The following ZNF536 variants were observed in gnomAD, a reference collection of about 807,000 sequenced individuals.
ZNF536 encodes the protein zinc finger protein 536.
A neutral mutation model predicts 84.5 loss-of-function variants in ZNF536; 13 were observed. The ratio of observed to expected loss-of-function variants is 0.15; its 90% CI spans 0.10 to 0.24. The LOEUF (loss-of-function observed/expected upper bound fraction) is 0.24, where lower values mean the gene tolerates loss of function less well. Ranked by LOEUF, ZNF536 falls within the 10% of genes least tolerant of loss-of-function variation. ZNF536 has a pLI of 1.00. For synonymous variants in ZNF536, 811 were observed against 742.5 expected (o/e 1.09, Z -1.50); for missense variants, 1,536 against 1,747.5 (o/e 0.88, Z 2.16).
intron 2 of ZNF536, among the ~76,000 whole-genome samples, chr19:30,482,927 C>A (rs1003007988): frequency 2.6e-5 from 4 of 152,140 alleles, no homozygotes; most frequent in Non-Finnish European, 5.9e-5. Context: ...CTGGGTCCAC[C>A]CCTTGCTTGG....
chr19:30,696,816 C>G (rs1442751259), intron 1 of ZNF536, among the ~76,000 whole-genome samples: 4 of 152,142 alleles, frequency 2.6e-5, no homozygotes, highest in Non-Finnish European at 5.9e-5. Flanking sequence ...TGCTGATGCC[C>G]TGCTGAAATC....
intron 2 of ZNF536, among the ~76,000 whole-genome samples, chr19:30,486,283 G>A (rs2054298633): frequency 6.6e-6 from 1 of 152,132 alleles, no homozygotes; most frequent in Admixed American, 6.5e-5. Context: ...CCCAGTGTGT[G>A]TTGTTCCCCT....
intron 2 of ZNF536, among the ~76,000 whole-genome samples, chr19:30,518,393 C>A (rs1305631782): frequency 6.6e-6 from 1 of 152,076 alleles, no homozygotes; most frequent in Non-Finnish European, 1.5e-5. Flanking sequence ...TGTGTTGGAT[C>A]TCCGTTTTGA....
intron 2 of ZNF536, among the ~76,000 whole-genome samples, chr19:30,341,711 T>A (rs1600294629): frequency 6.6e-6 from 1 of 152,242 alleles, no homozygotes; most frequent in East Asian, 1.9e-4. Flanking sequence ...GAACTCTTTT[T>A]TTTTTTAACT....
intron 1 of ZNF536, among the ~76,000 whole-genome samples, chr19:30,703,859 A>T (rs948277205): frequency 6.6e-6 from 1 of 152,228 alleles, no homozygotes; most frequent in Admixed American, 6.5e-5. Flanking sequence ...TTGCATCATT[A>T]TCAAGGTGTG....
intron 1 of ZNF536, among the ~76,000 whole-genome samples, chr19:30,254,183 G>A (rs1672797225): frequency 6.6e-6 from 1 of 152,094 alleles, no homozygotes; most frequent in Non-Finnish European, 1.5e-5. Flanking sequence ...CTTGATATAT[G>A]CTCCATGTCA....
intron 2 of ZNF536, among the ~76,000 whole-genome samples, chr19:30,484,533 GC>G (rs773866263): frequency 6.6e-6 from 1 of 151,672 alleles, no homozygotes; most frequent in Non-Finnish European, 1.5e-5. Flanking sequence ...ACCGCATGCA[GC>G]CTGATTCTTT....
At chr19:30,300,402 G>C (rs1199808747) in intron 2 of ZNF536, 1 of 152,128 alleles carries the variant, frequency 6.6e-6, no homozygotes, top group Non-Finnish European at 1.5e-5. Context: ...TCATCTGCCT[G>C]GTGTTTCTTT....
At chr19:30,593,793 C>A (rs139550086) in intron 1 of ZNF536, among the ~76,000 whole-genome samples, 151 of 152,348 alleles carry the variant, frequency 9.9e-4, no homozygotes, top group African/African-American at 3.5e-3. Flanking sequence ...TCAAGGCTAT[C>A]TCCTTGGCCT....
chr19:30,454,556 T>C lies in ZNF536; in HGVS notation c.2170+8824T>C, dbSNP rs1044588862. ...TTTGTTGCTAAAATATGTGTTTTTA[T>C]TTTCGTTTCATTTCATTTTTTAAAA... On this transcript the variant is annotated intron_variant, in intron 2 of 4. Coordinates refer to ENST00000355537, the MANE Select transcript of ZNF536 (RefSeq NM_014717.3). Among the ~76,000 whole-genome samples the C allele has an allele frequency of 4.6e-5, 7 of 152,380 alleles. No individual in the cohort carries two copies. The South Asian group carries it at 1.4e-3, about 32-fold the overall frequency.
At chr19:30,680,489 GAGAA>G (rs2050925545) in intron 1 of ZNF536, among the ~76,000 whole-genome samples, 2 of 144,812 alleles carry the variant, frequency 1.4e-5, no homozygotes, top group Admixed American at 7.4e-5. Context: ...ACCTATGAGT[GAGAA>G]TATGCGGTGT....
intron 1 of ZNF536, among the ~76,000 whole-genome samples, chr19:30,610,709 T>G (rs1006515832): frequency 6.6e-6 from 1 of 152,110 alleles, no homozygotes; most frequent in African/African-American, 2.4e-5. Context: ...AATGTTTCCC[T>G]CTGAACCAAG....
At chr19:30,654,716 T>G (rs547252567) in intron 1 of ZNF536, among the ~76,000 whole-genome samples, 3 of 152,038 alleles carry the variant, frequency 2.0e-5, no homozygotes, top group African/African-American at 7.3e-5. Context: ...GTTTTTTTTC[T>G]CCATGAAGAC....
chr19:30,317,576 G>A (rs990295323), intron 2 of ZNF536, among the ~76,000 whole-genome samples: 8 of 152,136 alleles, frequency 5.3e-5, no homozygotes, highest in African/African-American at 9.7e-5. Flanking sequence ...GGCCATGTGC[G>A]TTTGAACCCA....
chr19:30,385,216 G>A (rs796499579), intron 1 of ZNF536, among the ~76,000 whole-genome samples: 16 of 151,948 alleles, frequency 1.1e-4, no homozygotes, highest in African/African-American at 3.9e-4. Flanking sequence ...CTGAAATCGG[G>A]TGGAAATGGA....
chr19:30,652,736 G>T (rs775928362), intron 1 of ZNF536, among the ~76,000 whole-genome samples: 3 of 152,188 alleles, frequency 2.0e-5, no homozygotes, highest in Non-Finnish European at 4.4e-5. Context: ...GCTGATCTCC[G>T]AAGGGAATTT....
At chr19:30,583,851 C>G (rs1382597593) in intron 1 of ZNF536, among the ~76,000 whole-genome samples, 3 of 152,100 alleles carry the variant, frequency 2.0e-5, no homozygotes. Flanking sequence ...TTGACGAGCT[C>G]GGCTATTGAT....
At chr19:30,458,335 C>T (rs1466170210) in intron 2 of ZNF536, among the ~76,000 whole-genome samples, 2 of 152,076 alleles carry the variant, frequency 1.3e-5, no homozygotes, top group African/African-American at 2.4e-5. Context: ...TCTCTCCTCT[C>T]CCTTCCTAAA....
chr19:30,519,851 G>C (rs1473316693), intron 2 of ZNF536, among the ~76,000 whole-genome samples: 1 of 152,212 alleles, frequency 6.6e-6, no homozygotes, highest in Non-Finnish European at 1.5e-5. Context: ...CCCCATCCCA[G>C]CCTTCAAAGA....
Sources: allele counts gnomAD v4.1 joint callset (sites outside exome capture counted in the v4.1 genomes callset), GRCh38; gene constraint gnomAD v4.1.1; transcripts MANE v1.5; gene names NCBI Gene and HGNC (gene_info 2026-07-23, HGNC 2026-07-21).